Variants in PALM2AKAP2 observed in about 807,000 individuals in gnomAD.
PALM2AKAP2 encodes the protein PALM2-AKAP2 fusion protein.
In PALM2AKAP2, 37 loss-of-function variants were observed where a neutral mutation model predicts 71.5. That is an observed-to-expected ratio of 0.52 (90% CI 0.40 to 0.68). The LOEUF (loss-of-function observed/expected upper bound fraction) is 0.68. PALM2AKAP2 is among the 30% of genes least tolerant of loss of function. PALM2AKAP2 has a pLI of 0.00. For synonymous variants in PALM2AKAP2, 468 were observed against 478.8 expected, an observed-to-expected ratio of 0.98 and a Z score of 0.29; for missense variants, 1,224 against 1,191.8, an observed-to-expected ratio of 1.03 and a Z score of -0.40.
chr9:109,806,259 A>G (rs1827570164), intron 1 of PALM2AKAP2, among the ~76,000 whole-genome samples: 1 of 152,230 alleles, frequency 6.6e-6, no homozygotes, highest in Non-Finnish European at 1.5e-5. Context: ...TTTCCAAAAC[A>G]GTTTTACTAG....
intron 1 of PALM2AKAP2, among the ~76,000 whole-genome samples, chr9:110,111,294 C>T (rs987616424): frequency 3.3e-5 from 5 of 151,808 alleles, no homozygotes; most frequent in East Asian, 1.9e-4. Flanking sequence ...GGTCTCATTA[C>T]GTTGCCTAGG....
At chr9:110,171,353 TC>T (rs1836854215) in exon 4 of PALM2AKAP2, 3 of 152,186 alleles carry the variant, frequency 2.0e-5, no homozygotes, top group African/African-American at 7.2e-5. Flanking sequence ...TCTGGGACTC[TC>T]CCACAGTCAC....
At chr9:110,135,751 A>T (rs1835849019) in intron 1 of PALM2AKAP2, among the ~76,000 whole-genome samples, 1 of 152,224 alleles carries the variant, frequency 6.6e-6, no homozygotes, top group Non-Finnish European at 1.5e-5. Flanking sequence ...CATATGTTTT[A>T]AAGATCTGTT....
chr9:109,788,800 C>T (rs111616664), intron 1 of PALM2AKAP2, among the ~76,000 whole-genome samples: 19 of 152,138 alleles, frequency 1.2e-4, no homozygotes, highest in African/African-American at 4.6e-4. Context: ...AAGCCGGGTG[C>T]GGTGGCGCAC....
intron 1 of PALM2AKAP2, among the ~76,000 whole-genome samples, chr9:109,767,409 C>T (rs965959745): frequency 1.3e-5 from 2 of 152,236 alleles, no homozygotes; most frequent in African/African-American, 4.8e-5. Flanking sequence ...GCGTGGGCAT[C>T]TTTGGAGGCT....
intron 1 of PALM2AKAP2, among the ~76,000 whole-genome samples, chr9:109,709,609 A>C (rs1828196309): frequency 6.6e-6 from 1 of 152,134 alleles, no homozygotes; most frequent in South Asian, 2.1e-4. Context: ...TACTCCTCAG[A>C]GGGGTAGCAG....
rs80305899 is a variant in PALM2AKAP2, at chr9:110,032,941, T to C, written c.582+16902T>C. On this transcript the variant is annotated intron_variant, in intron 7 of 9. Transcript: ENST00000302798. ...ACAGAAGGAGACCCTATTTCTATTA[T>C]AAATAAATAAATTTATTGAATGTCG... is the stretch of plus-strand genomic sequence containing the variant. Among the ~76,000 whole-genome samples, 880 of 151,800 alleles carry C rather than the reference T, an allele frequency of 5.8e-3. 7 individuals carry two copies. Among genetic ancestry groups the C allele is most frequent in the African/African-American group, 0.02 (821 of 41,444 alleles).
chr9:109,749,398 C>T (rs887563404), intron 1 of PALM2AKAP2, among the ~76,000 whole-genome samples: 2 of 151,902 alleles, frequency 1.3e-5, no homozygotes, highest in African/African-American at 4.8e-5. Flanking sequence ...CAAGAGATCT[C>T]GTTCTTGTCT....
At chr9:109,689,514 C>T (rs2118541823) in intron 1 of PALM2AKAP2, among the ~76,000 whole-genome samples, 1 of 152,270 alleles carries the variant, frequency 6.6e-6, no homozygotes, top group Non-Finnish European at 1.5e-5. Context: ...ACAATACCTT[C>T]TTTAAAGCCT....
At chr9:110,067,422 T>C (rs892198425) in intron 1 of PALM2AKAP2, among the ~76,000 whole-genome samples, 17 of 152,386 alleles carry the variant, frequency 1.1e-4, no homozygotes, top group African/African-American at 3.8e-4. Context: ...TTACTTAATC[T>C]ATTCCTGTTT....
intron 1 of PALM2AKAP2, among the ~76,000 whole-genome samples, chr9:109,672,641 T>A (rs954177700): frequency 5.9e-5 from 9 of 152,062 alleles, no homozygotes; most frequent in African/African-American, 2.2e-4. Flanking sequence ...GGGAGAAGTC[T>A]CTCCTGCTCA....
At chr9:109,724,595 G>A (rs774998346) in intron 1 of PALM2AKAP2, among the ~76,000 whole-genome samples, 5 of 152,194 alleles carry the variant, frequency 3.3e-5, no homozygotes, top group Non-Finnish European at 5.9e-5. Context: ...TAGCAGTGGT[G>A]ATAGCTCACA....
chr9:109,875,521 G>A (rs940855962), intron 2 of PALM2AKAP2, among the ~76,000 whole-genome samples: 1 of 152,168 alleles, frequency 6.6e-6, no homozygotes, highest in African/African-American at 2.4e-5. Context: ...AGGAGAGGAT[G>A]GGGAGTTCTT....
At chr9:110,136,495 G>C in exon 2 of PALM2AKAP2, 3 of 1,614,104 alleles carry the variant, frequency 1.9e-6, no homozygotes, top group Non-Finnish European at 2.5e-6. Context: ...CAGTGGTTCT[G>C]GTGGGCGGCC....
intron 2 of PALM2AKAP2, among the ~76,000 whole-genome samples, chr9:109,873,855 A>T (rs768922823): frequency 3.4e-4 from 52 of 152,194 alleles, no homozygotes; most frequent in Non-Finnish European, 6.9e-4. Flanking sequence ...AAAAAGTGGT[A>T]TCTAGGCTGG....
intron 2 of PALM2AKAP2, among the ~76,000 whole-genome samples, chr9:110,153,993 G>T (rs1048378591): frequency 3.9e-5 from 6 of 152,166 alleles, no homozygotes; most frequent in South Asian, 2.1e-4. Context: ...CACTTGAGAG[G>T]TCAACTGGAA....
intron 1 of PALM2AKAP2, among the ~76,000 whole-genome samples, chr9:109,722,906 G>T (rs976327587): frequency 6.6e-6 from 1 of 152,104 alleles, no homozygotes; most frequent in Non-Finnish European, 1.5e-5. Context: ...TGCACAAGCC[G>T]TCTGCTCTGC....
chr9:109,739,913 T>C (rs1038232097), intron 1 of PALM2AKAP2, among the ~76,000 whole-genome samples: 1 of 152,204 alleles, frequency 6.6e-6, no homozygotes, highest in Non-Finnish European at 1.5e-5. Flanking sequence ...TCATCTTGCT[T>C]TGTGACTTCT....
chr9:109,856,999 C>G (rs78087554), intron 1 of PALM2AKAP2, among the ~76,000 whole-genome samples: 1 of 152,252 alleles, frequency 6.6e-6, no homozygotes, highest in East Asian at 1.9e-4. Context: ...CTGTGGCCTG[C>G]GGTGCTGAGA....
Sources: gnomAD v4.1 joint callset for allele counts (sites outside exome capture counted in the v4.1 genomes callset) on GRCh38, gnomAD v4.1.1 for gene constraint, MANE v1.5 for transcripts, NCBI Gene and HGNC (gene_info 2026-07-23, HGNC 2026-07-21) for gene names.